Variants in RTF1 observed in about 807,000 individuals in gnomAD.
The protein encoded by RTF1 is RNA polymerase-associated protein RTF1 homolog.
RTF1 carries 10 observed loss-of-function variants against 95.7 expected under a neutral mutation model. The ratio of observed to expected loss-of-function variants is 0.10; its 90% CI spans 0.06 to 0.18. RTF1 has a LOEUF of 0.18. RTF1 is among the 10% of genes least tolerant of loss of function. The pLI is 1.00. For synonymous variants in RTF1, 305 were observed against 311.8 expected, an observed-to-expected ratio of 0.98 and a Z score of 0.23; for missense variants, 458 against 875.6, an observed-to-expected ratio of 0.52 and a Z score of 6.02.
Position 41,438,845 on chromosome 15 carries a change from A to C in RTF1, c.309+414A>C, listed in dbSNP as rs1350356912. ...CACTGCACTGCAGCCTGGGTGACAA[A>C]GCAAGACTCTGTCTCAAAAAAAAAA... On this transcript the variant is annotated intron_variant, in intron 2 of 17. Coordinates refer to ENST00000389629, the MANE Select transcript of RTF1 (RefSeq NM_015138.5). Among the ~76,000 whole-genome samples the C allele has an allele frequency of 4.0e-5, 6 of 151,698 alleles. No individual in the cohort carries two copies. The East Asian group carries it at 1.2e-3, about 30-fold the overall frequency.
intron 3 of RTF1, among the ~76,000 whole-genome samples, chr15:41,456,413 CGAGAGGCGG>C (rs2050816655): frequency 6.6e-6 from 1 of 150,700 alleles, no homozygotes; most frequent in African/African-American, 2.4e-5. Context: ...GGCATGAACC[CGAGAGGCGG>C]AGCTTGCGCT....
intron 5 of RTF1, 132 bp from the exon 6 acceptor site, chr15:41,466,009 C>G (rs1312521440): frequency 5.6e-6 from 3 of 538,642 alleles, no homozygotes; most frequent in Non-Finnish European, 9.8e-6. Flanking sequence ...TGCTCTCTCC[C>G]CTTACATAAA....
intron 6 of RTF1, among the ~76,000 whole-genome samples, chr15:41,469,134 GT>G (rs1006024186): frequency 1.3e-5 from 2 of 151,510 alleles, no homozygotes; most frequent in African/African-American, 4.9e-5. Flanking sequence ...ACCTAATTTT[GT>G]TTTGTATTTT....
intron 1 of RTF1, among the ~76,000 whole-genome samples, chr15:41,427,097 C>T (rs1442072419): frequency 2.0e-5 from 3 of 149,842 alleles, no homozygotes; most frequent in African/African-American, 4.9e-5. Context: ...ACCTTGGCCT[C>T]CCAAAGTGCT....
At chr15:41,423,783 C>T (rs941694519) in intron 1 of RTF1, among the ~76,000 whole-genome samples, 3 of 151,860 alleles carry the variant, frequency 2.0e-5, no homozygotes, top group African/African-American at 7.3e-5. Context: ...GATGGAGTCT[C>T]ACTTTGTTGC....
At chr15:41,439,556 T>C (rs980935290) in intron 2 of RTF1, among the ~76,000 whole-genome samples, 1 of 152,124 alleles carries the variant, frequency 6.6e-6, no homozygotes, top group Non-Finnish European at 1.5e-5. Flanking sequence ...CTACCAACAA[T>C]GGCAGGCCCT....
At chr15:41,455,426 T>A (rs2050808366) in intron 3 of RTF1, among the ~76,000 whole-genome samples, 1 of 151,900 alleles carries the variant, frequency 6.6e-6, no homozygotes, top group Non-Finnish European at 1.5e-5. Context: ...TTTTTCTAAG[T>A]GAAGTAACTA....
chr15:41,448,766 T>A (rs2050775690), intron 2 of RTF1: 1 of 152,108 alleles, frequency 6.6e-6, no homozygotes, highest in Non-Finnish European at 1.5e-5. Flanking sequence ...TTTCACGAAT[T>A]TGCATGTCAT....
intron 4 of RTF1, among the ~76,000 whole-genome samples, chr15:41,461,936 T>TAG (rs1423429984): frequency 6.7e-6 from 1 of 149,656 alleles, no homozygotes; most frequent in African/African-American, 2.5e-5. Flanking sequence ...TTTTTTTTTT[T>TAG]AGAGAGGGGG....
At position 41,480,977 on chromosome 15, in the gene RTF1, G is replaced by A. The variant is rs115582929; in HGVS notation, c.*290G>A. ...GTTTGCCTTTTGTTTTTTTAACCGC[G>A]CAGTTCATTGGCCACTCTGCACGCA... On this transcript the variant is annotated 3_prime_UTR_variant, in exon 18 of 18. Coordinates refer to ENST00000389629, the MANE Select transcript of RTF1 (RefSeq NM_015138.5). 2,127 of 375,712 alleles carry A rather than the reference G, an allele frequency of 5.7e-3. 42 individuals are homozygous for A. The highest frequency in any genetic ancestry group is 0.041 in the African/African-American group (2,024 of 48,906). 23.3% of individuals were successfully genotyped at this position (375,712 alleles called of 1,614,324 possible).
At chr15:41,474,864 T>C (rs2050934645) in intron 9 of RTF1, among the ~76,000 whole-genome samples, 162 bp downstream of exon 9, 1 of 152,082 alleles carries the variant, frequency 6.6e-6, no homozygotes, top group South Asian at 2.1e-4. Context: ...TCTTTGTCTA[T>C]AGGGAAGGTA....
chr15:41,442,193 AG>A (rs2140953487), intron 2 of RTF1, among the ~76,000 whole-genome samples: 1 of 145,966 alleles, frequency 6.9e-6, no homozygotes, highest in Admixed American at 6.9e-5. Flanking sequence ...TTTGAGATGG[AG>A]TCTCTCTCTG....
rs58838810 is a variant in RTF1 at position 41,482,892 on chromosome 15, CA to C, written c.*2206del. On this transcript the variant is annotated 3_prime_UTR_variant, in exon 18 of 18. Transcript: ENST00000389629. ...ATAATTCGCTGGAGTCATTCTGATC[CA>C]CCATGTAGATCTGTATTTAGTATCA... 33,524 of 152,330 alleles carry C rather than the reference CA, an allele frequency of 0.22. 4,000 individuals are homozygous for C. Among genetic ancestry groups the C allele is most frequent in the Non-Finnish European group, 0.26 (17,641 of 67,970 alleles). 9.4% of individuals were successfully genotyped at this position (152,330 alleles called of 1,614,324 possible). A position where few individuals can be genotyped will look rare whatever the true frequency, so the allele number is the denominator to read the frequency against.
chr15:41,474,095 T>A (rs934378359), intron 8 of RTF1, among the ~76,000 whole-genome samples: 2 of 152,140 alleles, frequency 1.3e-5, no homozygotes, highest in Non-Finnish European at 2.9e-5. Flanking sequence ...GAGGTTGGTC[T>A]CAAATTCCTG....
chr15:41,442,052 T>C (rs532228985), intron 2 of RTF1, among the ~76,000 whole-genome samples: 1 of 152,324 alleles, frequency 6.6e-6, no homozygotes, highest in African/African-American at 2.4e-5. Flanking sequence ...CTCAATGTTA[T>C]TACTGTGAGC....
At chr15:41,418,893 C>T (rs1416966099) in intron 1 of RTF1, among the ~76,000 whole-genome samples, 2 of 151,478 alleles carry the variant, frequency 1.3e-5, no homozygotes, top group South Asian at 2.1e-4. Flanking sequence ...CTCGCACTGT[C>T]GCCCAGGCTG....
intron 1 of RTF1, among the ~76,000 whole-genome samples, chr15:41,430,821 T>C (rs2050665971): frequency 1.3e-5 from 2 of 152,158 alleles, no homozygotes; most frequent in African/African-American, 4.8e-5. Context: ...TCCTATACAA[T>C]CCTCAAGTTG....
In RTF1 at chr15:41,475,501, A is replaced by T. The variant is rs374836043; in HGVS notation, c.1287-24A>T. 6.3e-6 allele frequency: 10 copies of T among 1,598,294 alleles called. No individual in the cohort carries two copies. The African/African-American group carries it at 9.4e-5, about 15-fold the overall frequency. The stretch of plus-strand genomic sequence containing the variant: ...TACAGTCAACATGCACATTTCTTGG[A>T]GATGCTGTCTCTCTTTTATGTAGGC... On this transcript the variant is annotated intron_variant, in intron 9 of 17. Coordinates refer to ENST00000389629, the MANE Select transcript of RTF1 (RefSeq NM_015138.5).
chr15:41,423,966 T>C (rs1226506002), intron 1 of RTF1, among the ~76,000 whole-genome samples: 1 of 152,200 alleles, frequency 6.6e-6, no homozygotes, highest in African/African-American at 2.4e-5. Flanking sequence ...TTGGCCAGGC[T>C]GGTCTCAAAC....
Sources: gnomAD v4.1 joint callset for allele counts (sites outside exome capture counted in the v4.1 genomes callset) on GRCh38, gnomAD v4.1.1 for gene constraint, MANE v1.5 for transcripts, NCBI Gene and HGNC (gene_info 2026-07-23, HGNC 2026-07-21) for gene names.